The following ZCCHC17 variants were observed in gnomAD, a reference collection of about 807,000 sequenced individuals.
ZCCHC17 encodes zinc finger CCHC domain-containing protein 17.
A neutral mutation model predicts 30.6 loss-of-function variants in ZCCHC17; 18 were observed. The observed-to-expected ratio is 0.59, with a 90% CI of 0.41 to 0.87. The LOEUF (loss-of-function observed/expected upper bound fraction) is 0.87, where lower values mean the gene tolerates loss of function less well. ZCCHC17 is among the 40% of genes least tolerant of loss of function. The probability of loss-of-function intolerance (pLI) is 0.00; values close to 1 mark genes in which losing one functional copy is unlikely to be tolerated. For missense variants in ZCCHC17, 263 were observed against 284.2 expected, an observed-to-expected ratio of 0.93 and a Z score of 0.54; for synonymous variants, 88 against 92.4, an observed-to-expected ratio of 0.95 and a Z score of 0.27.
At chr1:31,298,377 G>GTTTTTT (rs59616986) in intron 1 of ZCCHC17, among the ~76,000 whole-genome samples, 1 of 145,628 alleles carries the variant, frequency 6.9e-6, no homozygotes, top group African/African-American at 2.6e-5. Flanking sequence ...TTAGAGACCA[G>GTTTTTT]TTTTTTTTTG....
intron 1 of ZCCHC17, among the ~76,000 whole-genome samples, chr1:31,297,490 C>T (rs1368917385): frequency 6.6e-6 from 1 of 152,212 alleles, no homozygotes; most frequent in Admixed American, 6.5e-5. Flanking sequence ...TGTCCGACTC[C>T]TTCTCCAGAG....
At chr1:31,330,524 A>T (rs539662082) in intron 3 of ZCCHC17, among the ~76,000 whole-genome samples, 39 of 152,136 alleles carry the variant, frequency 2.6e-4, no homozygotes, top group African/African-American at 9.4e-4. Flanking sequence ...TTGATTTTGG[A>T]GCATATGCTA....
chr1:31,305,958 T>C (rs1646445496), intron 1 of ZCCHC17, among the ~76,000 whole-genome samples: 1 of 152,138 alleles, frequency 6.6e-6, no homozygotes, highest in East Asian at 1.9e-4. Flanking sequence ...TCCCTAAAAT[T>C]GTGGGCACTG....
intron 7 of ZCCHC17, among the ~76,000 whole-genome samples, chr1:31,363,704 C>G (rs1336314584): frequency 6.6e-6 from 1 of 152,138 alleles, no homozygotes. Flanking sequence ...ATTGCTTGAG[C>G]CCAAGAGGTT....
chr1:31,338,597 C>T (rs1289792120), intron 4 of ZCCHC17, among the ~76,000 whole-genome samples: 1 of 152,158 alleles, frequency 6.6e-6, no homozygotes, highest in African/African-American at 2.4e-5. Context: ...GATCTAGTCT[C>T]TTGAAGTATT....
chr1:31,310,642 C>T (rs1646578069), intron 2 of ZCCHC17, among the ~76,000 whole-genome samples: 1 of 152,218 alleles, frequency 6.6e-6, no homozygotes, highest in African/African-American at 2.4e-5. Context: ...AAGATTCTTG[C>T]CAGATGCTGG....
At chr1:31,324,310 C>T (rs1356625828) in intron 3 of ZCCHC17, among the ~76,000 whole-genome samples, 5 of 152,130 alleles carry the variant, frequency 3.3e-5, no homozygotes, top group African/African-American at 4.8e-5. Flanking sequence ...CCACTGATGG[C>T]GATGGAGGCC....
chr1:31,349,024 AT>A (rs1354314658), intron 7 of ZCCHC17, 50 bp downstream of exon 7: 1 of 1,526,408 alleles, frequency 6.6e-7, no homozygotes, highest in Non-Finnish European at 8.8e-7. Context: ...AAGTTTTAAG[AT>A]GAAAATCTGA....
At chr1:31,327,424 CCCA>C (rs1638400775) in intron 3 of ZCCHC17, among the ~76,000 whole-genome samples, 1 of 152,188 alleles carries the variant, frequency 6.6e-6, no homozygotes, top group South Asian at 2.1e-4. Context: ...TACAGTAGTC[CCCA>C]CTCATCTGTG....
At chr1:31,363,269 C>T (rs1343433053) in intron 7 of ZCCHC17, among the ~76,000 whole-genome samples, 5 of 151,620 alleles carry the variant, frequency 3.3e-5, no homozygotes, top group African/African-American at 2.4e-5. Context: ...CTGCAAGCTC[C>T]GCCTCCTGGG....
chr1:31,355,464 AATT>A (rs1639610874), intron 7 of ZCCHC17, among the ~76,000 whole-genome samples: 1 of 152,140 alleles, frequency 6.6e-6, no homozygotes, highest in African/African-American at 2.4e-5. Flanking sequence ...CCAGAACAGG[AATT>A]ATTATCCCAC....
intron 2 of ZCCHC17, among the ~76,000 whole-genome samples, chr1:31,315,970 T>G (rs1301889489): frequency 1.3e-5 from 2 of 152,208 alleles, no homozygotes; most frequent in African/African-American, 4.8e-5. Flanking sequence ...GAGGCCAAAT[T>G]AAGGTCTATT....
chr1:31,351,510 G>T (rs925194800), intron 7 of ZCCHC17, among the ~76,000 whole-genome samples: 1 of 151,752 alleles, frequency 6.6e-6, no homozygotes, highest in South Asian at 2.1e-4. Flanking sequence ...CCCAGCTGAG[G>T]CTGGAGGATA....
chr1:31,353,548 T>G (rs1639542176), intron 7 of ZCCHC17, among the ~76,000 whole-genome samples: 1 of 152,218 alleles, frequency 6.6e-6, no homozygotes, highest in Non-Finnish European at 1.5e-5. Flanking sequence ...AATGTCATAC[T>G]CAAGAAATCA....
intron 5 of ZCCHC17, among the ~76,000 whole-genome samples, chr1:31,344,069 G>T (rs913313778): frequency 2.6e-5 from 4 of 151,736 alleles, no homozygotes; most frequent in African/African-American, 9.7e-5. Context: ...TGGTCAGGTT[G>T]GTCTTGAACT....
At chr1:31,347,216 G>T (rs940366264) in intron 6 of ZCCHC17, among the ~76,000 whole-genome samples, 5 of 152,156 alleles carry the variant, frequency 3.3e-5, no homozygotes, top group African/African-American at 1.2e-4. Flanking sequence ...ATACAGGATA[G>T]TCACTTCTTT....
chr1:31,301,691 T>C (rs1646316076), intron 1 of ZCCHC17, among the ~76,000 whole-genome samples: 1 of 152,230 alleles, frequency 6.6e-6, no homozygotes, highest in Admixed American at 6.5e-5. Flanking sequence ...GTCAAATCAC[T>C]TGGCTTCATT....
intron 5 of ZCCHC17, among the ~76,000 whole-genome samples, chr1:31,341,079 A>G (rs1639031070): frequency 1.3e-5 from 2 of 152,218 alleles, no homozygotes; most frequent in Admixed American, 1.3e-4. Flanking sequence ...GAAAATTATC[A>G]GGGACTCAAA....
chr1:31,335,408 C>T (rs959165098), intron 3 of ZCCHC17, among the ~76,000 whole-genome samples: 1 of 152,214 alleles, frequency 6.6e-6, no homozygotes, highest in Non-Finnish European at 1.5e-5. Flanking sequence ...CAAAGTCTCG[C>T]TCTGTCACCT....
Sources: gnomAD v4.1 joint callset for allele counts (sites outside exome capture counted in the v4.1 genomes callset) on GRCh38, gnomAD v4.1.1 for gene constraint, MANE v1.5 for transcripts, NCBI Gene and HGNC (gene_info 2026-07-23, HGNC 2026-07-21) for gene names.